NFRKB: variants seen among roughly 807,000 people sequenced by gnomAD.
NFRKB encodes the protein nuclear factor related to kappa-B-binding protein.
In NFRKB, 62 loss-of-function variants were observed where a neutral mutation model predicts 135.7. The observed-to-expected ratio is 0.46, with a 90% CI of 0.37 to 0.56. The LOEUF (loss-of-function observed/expected upper bound fraction) is 0.56. Among genes scored for constraint, NFRKB ranks in the 20% least tolerant of loss-of-function variants. NFRKB has a pLI of 0.00. For missense variants in NFRKB, 1,545 were observed against 1,662.0 expected (o/e 0.93, Z 1.22); for synonymous variants, 678 against 635.6 (o/e 1.07, Z -1.00).
At chr11:129,883,007 TA>T (rs1949102203) in intron 9 of NFRKB, 114 bp downstream of exon 9, 1 of 890,814 alleles carries the variant, frequency 1.1e-6, no homozygotes. Flanking sequence ...GAGGTAATAA[TA>T]AAGGTTACCA....
At position 129,885,598 on chromosome 11, in the gene NFRKB, C is replaced by G; in HGVS notation, c.477G>C (p.Glu159Asp). The G allele has an allele frequency of 6.2e-7, 1 of 1,609,754 alleles. No homozygotes were observed. The highest frequency in any genetic ancestry group is 8.5e-7 in the Non-Finnish European group (1 of 1,176,788). The change falls in exon 6 of 27, where the codon GAG becomes GAC. Residue 159 changes from glutamate to aspartate, a missense_variant. Physicochemically the swap from Glu to Asp is conservative, Grantham distance 45. Around this residue, in one of 3 missense-constraint regions of NFRKB, gnomAD observed 678 missense variants for 646.7 expected, o/e 1.05. Coordinates refer to ENST00000682444, the MANE Select transcript of NFRKB (RefSeq NM_001143835.2). ...GGGCGGGGCCACTCCGCCGGGCCATCTCCAGCAGATCCTAGGTAGAGATCA... is the reference window on the plus strand; with the variant it reads ...GGGCGGGGCCACTCCGCCGGGCCATGTCCAGCAGATCCTAGGTAGAGATCA... ...QILASRSDLLEMARRSGPALP... is the reference protein window; with the variant it reads ...QILASRSDLLDMARRSGPALP...
At chr11:129,878,008 G>A (rs1157687812) in intron 15 of NFRKB, among the ~76,000 whole-genome samples, 1 of 152,180 alleles carries the variant, frequency 6.6e-6, no homozygotes, top group Non-Finnish European at 1.5e-5. Flanking sequence ...AGATGGCCTA[G>A]ATGAATAATT....
Position 129,865,958 on chromosome 11 carries a change from A to T in NFRKB, c.3557T>A (p.Val1186Asp). The T allele has an allele frequency of 6.2e-7, 1 of 1,612,990 alleles. No individual in the cohort carries two copies. The highest frequency in any genetic ancestry group is 8.5e-7 in the Non-Finnish European group (1 of 1,179,660). The change falls in exon 25 of 27, where the codon GTT (valine) becomes GAT (aspartate). Residue 1186 changes from valine to aspartate, a missense_variant. Transcript: ENST00000682444. ...QAGKLPTRIT[V>D]PLSVISQPMK... ...TGGCTGGCTGATCACAGAGAGGGGAACTGTGATCCGTGTAGGCAACTTCCC... is the reference window on the plus strand; with the variant it reads ...TGGCTGGCTGATCACAGAGAGGGGATCTGTGATCCGTGTAGGCAACTTCCC...
At chr11:129,873,520 G>C (rs1339980650) in intron 22 of NFRKB, among the ~76,000 whole-genome samples, 1 of 152,220 alleles carries the variant, frequency 6.6e-6, no homozygotes, top group Non-Finnish European at 1.5e-5. Flanking sequence ...GGGTCCCGGG[G>C]AAACCACCAG....
intron 3 of NFRKB, among the ~76,000 whole-genome samples, chr11:129,890,375 C>T (rs1231950161): frequency 6.6e-6 from 1 of 152,164 alleles, no homozygotes; most frequent in African/African-American, 2.4e-5. Context: ...TGTTTGCTGA[C>T]TACATGAGTA....
intron 24 of NFRKB, among the ~76,000 whole-genome samples, chr11:129,867,524 C>A (rs1466380886): frequency 6.6e-6 from 1 of 152,040 alleles, no homozygotes; most frequent in Non-Finnish European, 1.5e-5. Context: ...ACCATGTTGG[C>A]CAGGCTGGTC....
intron 24 of NFRKB, among the ~76,000 whole-genome samples, chr11:129,866,492 G>A (rs78724974): frequency 0.01 from 1,540 of 151,640 alleles, 24 homozygotes; most frequent in African/African-American, 0.035. Flanking sequence ...CAAACAGCAG[G>A]GCATGCTAGA....
At chr11:129,877,993 G>A (rs949157232) in intron 15 of NFRKB, among the ~76,000 whole-genome samples, 10 of 152,144 alleles carry the variant, frequency 6.6e-5, no homozygotes, top group Non-Finnish European at 1.0e-4. Context: ...CCATTTACTG[G>A]ACTAAGATGG....
Position 129,872,937 on chromosome 11 carries a change from C to T in NFRKB, c.2710G>A (p.Ala904Thr). ...TSSPGTSAPS[A>T]STAAVIQNVT... ...TTTTGAATGACGGCAGCCGTGGAGG[C>T]ACTGGGAGCAGAGGTCCCAGGAGAA... Residue 904 changes from alanine (A) to threonine (T), a missense_variant, in exon 23 of 27, where the codon GCC becomes ACC. Ala to Thr is a moderately conservative substitution (Grantham distance 58). Transcript: ENST00000682444. The T allele has an allele frequency of 6.2e-6, 10 of 1,613,986 alleles. No individual in the cohort carries two copies. The highest frequency in any genetic ancestry group is 8.5e-6 in the Non-Finnish European group (10 of 1,179,882).
chr11:129,882,088 T>G lies in NFRKB; in HGVS notation c.1189A>C (p.Met397Leu). The G allele has an allele frequency of 6.2e-7, 1 of 1,600,854 alleles. No homozygotes were observed. Among genetic ancestry groups the G allele is most frequent in the South Asian group, 1.1e-5 (1 of 88,680 alleles). ...LLLESQASLP[M>L]LEERVLDWQS... ...TCCAACTTTTCCAAAACGCTTACCA[T>G]AGGAAGGCTAGCCTGACTCTCCAGC... is the stretch of plus-strand genomic sequence containing the variant. The change falls in exon 11 of 27, where the codon ATG becomes CTG. Residue 397 changes from methionine to leucine, a missense_variant and splice_region_variant. By Grantham distance (15) the Met-to-Leu change is conservative. Transcript: ENST00000682444.
chr11:129,866,847 A>T (rs1418814063), intron 24 of NFRKB, among the ~76,000 whole-genome samples: 1 of 152,192 alleles, frequency 6.6e-6, no homozygotes, highest in Non-Finnish European at 1.5e-5. Flanking sequence ...AGCATTCCAC[A>T]GAGGCAGGCT....
rs1394190860 is a variant in NFRKB, at chr11:129,869,751, G to A, written c.3274C>T (p.Gln1092Ter). Residue 1092 changes from glutamine (Q) to a stop codon, truncating the protein, a stop_gained, in exon 24 of 27, where the codon CAG becomes TAG. Transcript: ENST00000682444. LOFTEE classifies it high-confidence loss of function. ...AKPAATIRIV[Q>*]GLGVMPPKAG... The stretch of plus-strand genomic sequence containing the variant: ...TTGGGAGGCATCACTCCCAGTCCCT[G>A]CACGATGCGGATCGTGGCAGCTGGT... 6.2e-7 allele frequency: 1 copy of A among 1,614,248 alleles called. No homozygotes were observed. The highest frequency in any genetic ancestry group is 1.7e-5 in the Admixed American group (1 of 60,032).
chr11:129,883,058 T>C (rs182689216), intron 9 of NFRKB, 64 bp downstream of exon 9: 4 of 1,482,194 alleles, frequency 2.7e-6, no homozygotes, highest in East Asian at 2.3e-5. Context: ...TTTGCCATGT[T>C]ATGGGCTCAC....
In NFRKB at chr11:129,884,842, G is replaced by T. The variant is rs1158769967; in HGVS notation, c.645C>A (p.Leu215=). The change falls in exon 7 of 27, where the codon CTC becomes CTA. Residue 215 remains leucine, a synonymous_variant. Transcript: ENST00000682444. ...CTGGAGAGCTCGGAAGCCATGAGCT[G>T]AGATCTTCAAAAGAAAATTGTTCTT... ...DTALSSDEED[L]SSWLPSSPAR... is the part of the protein sequence containing the mutation. The T allele has an allele frequency of 2.5e-6, 4 of 1,614,208 alleles. No individual in the cohort carries two copies. In the Admixed American group the frequency reaches 5.0e-5, roughly 20 times the overall value.
chr11:129,865,824 T>C, intron 25 of NFRKB, 53 bp downstream of exon 25: 1 of 1,555,396 alleles, frequency 6.4e-7, no homozygotes, highest in Non-Finnish European at 8.9e-7. Context: ...TGGTAAGCCC[T>C]GCCTGCCACC....
At chr11:129,894,256 G>A (rs1949679229) in intron 2 of NFRKB, 103 bp downstream of exon 2, 1 of 152,072 alleles carries the variant, frequency 6.6e-6, no homozygotes, top group Non-Finnish European at 1.5e-5. Flanking sequence ...TACAAAGTGG[G>A]CTAAAAAGCA....
chr11:129,894,994 T>C (rs577236216), intron 1 of NFRKB, among the ~76,000 whole-genome samples: 5 of 152,292 alleles, frequency 3.3e-5, no homozygotes, highest in East Asian at 1.9e-4. Context: ...ACTGCCACTA[T>C]TCTGAACAGA....
intron 23 of NFRKB, 68 bp downstream of exon 23, chr11:129,872,816 C>A: frequency 6.7e-7 from 1 of 1,482,602 alleles, no homozygotes; most frequent in South Asian, 1.3e-5. Context: ...TGGCCAAGAA[C>A]CTCCAGCTCC....
chr11:129,865,461 G>A (rs376497853), intron 25 of NFRKB, among the ~76,000 whole-genome samples: 26 of 152,200 alleles, frequency 1.7e-4, no homozygotes, highest in Admixed American at 1.3e-4. Context: ...TCATTTCATC[G>A]TGCCCTTTAT....
Sources: gnomAD v4.1 joint callset for allele counts (sites outside exome capture counted in the v4.1 genomes callset) on GRCh38, gnomAD v4.1.1 for gene constraint, gnomAD v4.1.1 regional missense constraint, MANE v1.5 for transcripts, NCBI Gene and HGNC (gene_info 2026-07-23, HGNC 2026-07-21) for gene names.